Variants in LEPR observed in about 807,000 individuals in gnomAD.
LEPR encodes leptin receptor, also known as OB receptor.
Under a neutral mutation model 114.7 loss-of-function variants are expected in LEPR, and 56 were observed. The observed-to-expected ratio is 0.49, with a 90% confidence interval of 0.39 to 0.61. The LOEUF (loss-of-function observed/expected upper bound fraction) is 0.61, where lower values mean the gene tolerates loss of function less well. Among genes scored for constraint, LEPR ranks in the 20% least tolerant of loss-of-function variants. The probability of loss-of-function intolerance (pLI) is 0.00; values close to 1 mark genes in which losing one functional copy is unlikely to be tolerated. For missense variants in LEPR, 1,202 were observed against 1,352.9 expected (o/e 0.89, Z 1.75); for synonymous variants, 443 against 461.4 (o/e 0.96, Z 0.51).
intron 14 of LEPR, among the ~76,000 whole-genome samples, chr1:65,610,631 T>C (rs895403635): frequency 6.6e-6 from 1 of 152,224 alleles, no homozygotes; most frequent in African/African-American, 2.4e-5. Flanking sequence ...AGTCTAAAAA[T>C]TGTATTCATA....
Position 65,544,452 on chromosome 1 carries a change from T to C in LEPR, c.-20-21094T>C, listed in dbSNP as rs528431247. On this transcript the variant is annotated intron_variant, in intron 2 of 19. Coordinates refer to ENST00000349533, the MANE Select transcript of LEPR (RefSeq NM_002303.6). ...CTTAATTTCTTTCTCTTGCCTGATT[T>C]CCCTGGCTAGAACTTCCAATACTAT... 1.3e-3 allele frequency among the ~76,000 whole-genome samples: 196 copies of C among 152,082 alleles called. 4 individuals are homozygous for C. The highest frequency in any genetic ancestry group is 3.4e-3 in the African/African-American group (142 of 41,386).
In LEPR at chr1:65,550,659, AG is replaced by A. The variant is rs985581721; in HGVS notation, c.-20-14886del. Among the ~76,000 whole-genome samples the A allele has an allele frequency of 9.2e-5, 14 of 152,244 alleles. No homozygotes were observed. In the South Asian group the frequency reaches 2.3e-3, roughly 25 times the overall value. ...AATTCTCCTGGTGCGCCCTTTCCTAAGCCTGTCGGAAAAGCTCAGTATTCAG... is the reference window on the plus strand; with the variant it reads ...AATTCTCCTGGTGCGCCCTTTCCTAACCTGTCGGAAAAGCTCAGTATTCAG... On this transcript the variant is annotated intron_variant, in intron 2 of 19. Coordinates refer to ENST00000349533, the MANE Select transcript of LEPR (RefSeq NM_002303.6).
chr1:65,595,002 A>G (rs1412092856), intron 6 of LEPR, among the ~76,000 whole-genome samples: 1 of 152,126 alleles, frequency 6.6e-6, no homozygotes, highest in African/African-American at 2.4e-5. Flanking sequence ...TCTATAAAGC[A>G]AAAAGTTGAT....
chr1:65,484,699 C>G (rs1433317310), intron 2 of LEPR, among the ~76,000 whole-genome samples: 1 of 152,154 alleles, frequency 6.6e-6, no homozygotes, highest in African/African-American at 2.4e-5. Flanking sequence ...AATAATAACT[C>G]ATGGGGAAGG....
intron 2 of LEPR, among the ~76,000 whole-genome samples, chr1:65,544,595 A>AT (rs1651505754): frequency 6.6e-6 from 1 of 151,666 alleles, no homozygotes; most frequent in Admixed American, 6.6e-5. Flanking sequence ...AGCTCTTATT[A>AT]TTTTTAGATA....
chr1:65,634,366 T>C (rs1658638142), intron 19 of LEPR: 1 of 971,782 alleles, frequency 1.0e-6, no homozygotes, highest in African/African-American at 1.8e-5. Flanking sequence ...AATCTAAGTA[T>C]GAAATTATGA....
chr1:65,516,984 C>T (rs1172051511), intron 2 of LEPR, among the ~76,000 whole-genome samples: 1 of 152,202 alleles, frequency 6.6e-6, no homozygotes, highest in Non-Finnish European at 1.5e-5. Flanking sequence ...CTTCATGGTT[C>T]TCTTTACACC....
In LEPR at chr1:65,610,096, G is replaced by A. The variant is rs750181525; in HGVS notation, c.1902G>A (p.Met634Ile). 6.2e-7 allele frequency: 1 copy of A among 1,614,168 alleles called. No homozygotes were observed. The highest frequency in any genetic ancestry group is 1.1e-5 in the South Asian group (1 of 91,084). ...NWSNPAYTVVMDIKVPMRGPE... is the reference protein window; with the variant it reads ...NWSNPAYTVVIDIKVPMRGPE... ...GCAATCCAGCCTACACAGTTGTCAT[G>A]GATATAAAAGGTCTGCAGAGATTTT... The change falls in exon 13 of 20, where the codon ATG (methionine) becomes ATA (isoleucine). Residue 634 changes from methionine to isoleucine, a missense_variant. Physicochemically the swap from Met to Ile is conservative, Grantham distance 10 (BLOSUM62 1). Transcript: ENST00000349533.
chr1:65,420,869 G>A (rs1646232712), intron 1 of LEPR, 129 bp downstream of exon 1: 3 of 1,193,718 alleles, frequency 2.5e-6, no homozygotes, highest in Non-Finnish European at 3.6e-6. Context: ...TCTCCGGTTC[G>A]GGAGGCGATC....
chr1:65,612,139 A>G (rs772830175), intron 14 of LEPR, among the ~76,000 whole-genome samples: 1 of 152,234 alleles, frequency 6.6e-6, no homozygotes, highest in Admixed American at 6.5e-5. Flanking sequence ...TTGCTTAAGG[A>G]GTAAGCCACA....
chr1:65,583,349 GAA>G (rs1041831875), intron 5 of LEPR, among the ~76,000 whole-genome samples: 1 of 152,152 alleles, frequency 6.6e-6, no homozygotes, highest in Non-Finnish European at 1.5e-5. Flanking sequence ...TGTTGGGTAA[GAA>G]AAACTTCTAG....
rs1557636431 is a variant in LEPR at position 65,518,923 on chromosome 1, T to TCTTTC, written c.-20-46623_-20-46622insCTTTC. On this transcript the variant is annotated intron_variant, in intron 2 of 19. Coordinates refer to ENST00000349533, the MANE Select transcript of LEPR (RefSeq NM_002303.6). Reference sequence around the variant, plus strand: ...TTTCTTTCTTTCTTTCTTTCTCTCTTTCTCTGTTTCTTTCTTTCTCTTTCT... The same window carrying TCTTTC: ...TTTCTTTCTTTCTTTCTTTCTCTCTTCTTTCTCTCTGTTTCTTTCTTTCTCTTTCT... Among the ~76,000 whole-genome samples, 17 of 118,822 alleles carry TCTTTC rather than the reference T, an allele frequency of 1.4e-4. 1 individual carries two copies. Among genetic ancestry groups the TCTTTC allele is most frequent in the African/African-American group, 6.1e-4 (17 of 27,780 alleles). The allele number at this position is 118,822 out of a possible 152,430, so 78.0% of individuals were successfully genotyped here.
chr1:65,609,495 T>C (rs1417193155), intron 12 of LEPR, among the ~76,000 whole-genome samples: 2 of 152,262 alleles, frequency 1.3e-5, no homozygotes, highest in Non-Finnish European at 2.9e-5. Flanking sequence ...ACCCTTATTG[T>C]ATCATTAGAT....
chr1:65,517,275 G>GCAC (rs1557635138), intron 2 of LEPR, among the ~76,000 whole-genome samples: 1 of 152,228 alleles, frequency 6.6e-6, no homozygotes, highest in Admixed American at 6.5e-5. Flanking sequence ...CAGAGCAAAT[G>GCAC]CACCATAAGC....
rs118158677 is a variant in LEPR at position 65,445,540 on chromosome 1, G to A, written c.-21+20162G>A. 2.9e-3 allele frequency among the ~76,000 whole-genome samples: 438 copies of A among 152,160 alleles called. 9 individuals are homozygous for A. Among genetic ancestry groups the A allele is most frequent in the East Asian group, 0.025 (129 of 5,174 alleles). On this transcript the variant is annotated intron_variant, in intron 2 of 19. Transcript: ENST00000349533. ...TCTTCCTTCTTAAAGTCTTTATAAC[G>A]TGAAGATAATGAGTGGATCTGTGCG...
At chr1:65,580,283 A>G (rs575761888) in intron 5 of LEPR, among the ~76,000 whole-genome samples, 55 of 152,332 alleles carry the variant, frequency 3.6e-4, no homozygotes, top group African/African-American at 1.3e-3. Flanking sequence ...GGTCAATATA[A>G]CCAATGAGAA....
At chr1:65,427,890 CT>C in intron 2 of LEPR, 1 of 230,470 alleles carries the variant, frequency 4.3e-6, no homozygotes, top group Non-Finnish European at 9.1e-6. Context: ...ATCCTCCTGC[CT>C]TGGCCTCCCA....
chr1:65,518,897 CTTTCTTTCTTT>C (rs1557636218), intron 2 of LEPR, among the ~76,000 whole-genome samples: 1 of 84,534 alleles, frequency 1.2e-5, no homozygotes, highest in African/African-American at 4.0e-5. Context: ...TTCTTTCTTT[CTTTCTTTCTTT>C]CTTTCTTTCT....
chr1:65,514,251 C>T (rs544952713), intron 2 of LEPR, among the ~76,000 whole-genome samples: 1 of 152,290 alleles, frequency 6.6e-6, no homozygotes, highest in East Asian at 1.9e-4. Context: ...ATATTCATGC[C>T]AGCAGATTCC....
Sources: gnomAD v4.1 joint callset for allele counts (sites outside exome capture counted in the v4.1 genomes callset) on GRCh38, gnomAD v4.1.1 for gene constraint, MANE v1.5 for transcripts, NCBI Gene and HGNC (gene_info 2026-07-23, HGNC 2026-07-21) for gene names.